MBNL1: variants seen among roughly 807,000 people sequenced by gnomAD.
MBNL1 encodes muscleblind like splicing regulator 1, also known as muscleblind-like protein 1.
In MBNL1, 8 loss-of-function variants were observed where a neutral mutation model predicts 42.2. That is an observed-to-expected ratio of 0.19 (90% CI 0.11 to 0.34). MBNL1 has a LOEUF of 0.34. Among genes scored for constraint, MBNL1 ranks in the 10% least tolerant of loss-of-function variants. MBNL1 has a pLI of 1.00. For missense variants in MBNL1, 309 were observed against 495.3 expected (o/e 0.62, Z 3.57); for synonymous variants, 169 against 173.9 (o/e 0.97, Z 0.22).
At chr3:152,316,732 G>A (rs1328267676) in intron 2 of MBNL1, among the ~76,000 whole-genome samples, 1 of 152,074 alleles carries the variant, frequency 6.6e-6, no homozygotes, top group Non-Finnish European at 1.5e-5. Flanking sequence ...TTTTTGCCAT[G>A]ACTTCTCAAT....
At chr3:152,335,231 G>C in intron 2 of MBNL1, 1 of 1,289,772 alleles carries the variant, frequency 7.8e-7, no homozygotes, top group Non-Finnish European at 1.0e-6. Context: ...ATGGATGCTG[G>C]TGAGTGAATA....
intron 8 of MBNL1, among the ~76,000 whole-genome samples, chr3:152,456,673 A>G (rs1471085505): frequency 2.0e-5 from 3 of 152,180 alleles, no homozygotes; most frequent in Non-Finnish European, 4.4e-5. Flanking sequence ...TCGTGCAGGT[A>G]TTTTGACCAA....
At chr3:152,333,168 C>T (rs771836076) in intron 2 of MBNL1, among the ~76,000 whole-genome samples, 2 of 152,218 alleles carry the variant, frequency 1.3e-5, no homozygotes, top group East Asian at 1.9e-4. Context: ...GGTAATCCCC[C>T]AAAACAGAAT....
At chr3:152,364,093 C>T (rs1259771746) in intron 2 of MBNL1, among the ~76,000 whole-genome samples, 2 of 151,870 alleles carry the variant, frequency 1.3e-5, no homozygotes, top group Non-Finnish European at 2.9e-5. Context: ...TTCAAGATGC[C>T]CTTTATTTTT....
At chr3:152,401,289 C>G (rs900944262) in intron 2 of MBNL1, among the ~76,000 whole-genome samples, 6 of 152,110 alleles carry the variant, frequency 3.9e-5, no homozygotes, top group Non-Finnish European at 7.4e-5. Context: ...GCTGAATTCA[C>G]TACTGTGAGT....
chr3:152,399,874 T>C (rs1199057582), intron 2 of MBNL1, among the ~76,000 whole-genome samples: 2 of 152,332 alleles, frequency 1.3e-5, no homozygotes, highest in East Asian at 1.9e-4. Flanking sequence ...ATCTCTATTA[T>C]AGTAAAATCA....
intron 2 of MBNL1, among the ~76,000 whole-genome samples, chr3:152,247,674 TTTTA>T (rs1487053249): frequency 6.6e-6 from 1 of 152,026 alleles, no homozygotes; most frequent in African/African-American, 2.4e-5. Flanking sequence ...TTTTATCATT[TTTTA>T]TTAACTAAAA....
intron 2 of MBNL1, among the ~76,000 whole-genome samples, chr3:152,318,381 G>A (rs947644827): frequency 1.3e-5 from 2 of 152,080 alleles, no homozygotes; most frequent in South Asian, 2.1e-4. Context: ...AAATTATGTA[G>A]CATCATTACA....
Position 152,301,052 on chromosome 3 carries a change from A to G in MBNL1, c.174+685A>G, listed in dbSNP as rs2151534864. On this transcript the variant is annotated intron_variant, in intron 2 of 9. Coordinates refer to ENST00000324210, the MANE Select transcript of MBNL1 (RefSeq NM_021038.5). Reference sequence around the variant, plus strand: ...TCCAGCTTCAAAAATTCTAATGTGAATTAGCAGTTTATTTTCTGTTAGATC... The same window carrying G: ...TCCAGCTTCAAAAATTCTAATGTGAGTTAGCAGTTTATTTTCTGTTAGATC... The G allele has an allele frequency of 1.1e-5, 3 of 263,980 alleles. No individual in the cohort carries two copies. The South Asian group carries it at 4.3e-4, about 38-fold the overall frequency. The allele number at this position is 263,980 out of a possible 1,614,324, so 16.4% of individuals were successfully genotyped here. A position where few individuals can be genotyped will look rare whatever the true frequency, so the allele number is the denominator to read the frequency against.
intron 2 of MBNL1, among the ~76,000 whole-genome samples, chr3:152,361,571 GAC>G (rs2095959740): frequency 1.3e-5 from 2 of 151,892 alleles, no homozygotes; most frequent in African/African-American, 4.8e-5. Context: ...GAAAAGGAAA[GAC>G]ACAGGGCTAG....
At chr3:152,261,837 A>G (rs981077955) in intron 2 of MBNL1, among the ~76,000 whole-genome samples, 2 of 151,898 alleles carry the variant, frequency 1.3e-5, no homozygotes, top group African/African-American at 4.8e-5. Context: ...TTTTTTTCTG[A>G]CTTTCTTTCT....
At chr3:152,312,365 A>C (rs1323708049) in intron 2 of MBNL1, among the ~76,000 whole-genome samples, 1 of 152,100 alleles carries the variant, frequency 6.6e-6, no homozygotes, top group Non-Finnish European at 1.5e-5. Flanking sequence ...CCTTTCCTGA[A>C]ACTCTTGCCA....
At chr3:152,373,322 C>T (rs1454884242) in intron 2 of MBNL1, among the ~76,000 whole-genome samples, 2 of 145,868 alleles carry the variant, frequency 1.4e-5, no homozygotes, top group Non-Finnish European at 3.0e-5. Flanking sequence ...GCTGGCCTTC[C>T]AGGTGTCACT....
intron 2 of MBNL1, among the ~76,000 whole-genome samples, chr3:152,311,528 T>G (rs1488814275): frequency 1.3e-5 from 2 of 152,188 alleles, no homozygotes; most frequent in Non-Finnish European, 2.9e-5. Flanking sequence ...TTGTTTGTGA[T>G]TTTGAGTATT....
At chr3:152,324,482 A>G (rs2078292149) in intron 2 of MBNL1, among the ~76,000 whole-genome samples, 1 of 152,080 alleles carries the variant, frequency 6.6e-6, no homozygotes, top group South Asian at 2.1e-4. Context: ...TCCCAATTCC[A>G]TGTTCAATGA....
intron 2 of MBNL1, among the ~76,000 whole-genome samples, chr3:152,320,837 G>A (rs1288718512): frequency 6.6e-6 from 1 of 151,716 alleles, no homozygotes; most frequent in Non-Finnish European, 1.5e-5. Flanking sequence ...CACTAACAAG[G>A]ACATACGGTA....
At chr3:152,261,776 A>G (rs1278905969) in intron 2 of MBNL1, among the ~76,000 whole-genome samples, 2 of 152,198 alleles carry the variant, frequency 1.3e-5, no homozygotes, top group East Asian at 1.9e-4. Context: ...AATATTTGTT[A>G]AAAGTGTTTT....
chr3:152,308,269 A>T (rs899820057), intron 2 of MBNL1, among the ~76,000 whole-genome samples: 1 of 152,168 alleles, frequency 6.6e-6, no homozygotes, highest in African/African-American at 2.4e-5. Context: ...GAGAACTCCT[A>T]GAGTCACAGA....
intron 2 of MBNL1, among the ~76,000 whole-genome samples, chr3:152,372,710 C>T (rs2096723041): frequency 6.6e-6 from 1 of 152,186 alleles, no homozygotes; most frequent in Non-Finnish European, 1.5e-5. Context: ...GCTAGTGGAG[C>T]TCTCCTGTAT....
Sources: gnomAD v4.1 joint callset for allele counts (sites outside exome capture counted in the v4.1 genomes callset) on GRCh38, gnomAD v4.1.1 for gene constraint, MANE v1.5 for transcripts, NCBI Gene and HGNC (gene_info 2026-07-23, HGNC 2026-07-21) for gene names.